The following IMMP2L variants were observed in gnomAD, a reference collection of about 807,000 sequenced individuals.
IMMP2L encodes the protein inner mitochondrial membrane peptidase subunit 2, also known as mitochondrial inner membrane protease subunit 2.
In IMMP2L, 18 loss-of-function variants were observed where a neutral mutation model predicts 19.3. The observed-to-expected ratio is 0.93, with a 90% CI of 0.64 to 1.38. The LOEUF is 1.38. Among genes scored for constraint, IMMP2L ranks in the 40% most tolerant of loss-of-function variants. The pLI, the probability that IMMP2L is intolerant of heterozygous loss-of-function variation, is 0.00. For missense variants in IMMP2L, 233 were observed against 218.2 expected (o/e 1.07, Z -0.43); for synonymous variants, 76 against 73.0 (o/e 1.04, Z -0.21).
At chr7:111,214,521 T>C (rs1209776764) in intron 3 of IMMP2L, among the ~76,000 whole-genome samples, 1 of 144,564 alleles carries the variant, frequency 6.9e-6, no homozygotes, top group Non-Finnish European at 1.5e-5. Flanking sequence ...TTTTTTTTTT[T>C]TTTTTTAATG....
chr7:111,370,378 C>A (rs1830159581), intron 3 of IMMP2L, among the ~76,000 whole-genome samples: 1 of 151,920 alleles, frequency 6.6e-6, no homozygotes, highest in Non-Finnish European at 1.5e-5. Context: ...GCAAATACCT[C>A]TAGAATATCC....
At chr7:111,290,857 C>CACATAT (rs1472194887) in intron 3 of IMMP2L, among the ~76,000 whole-genome samples, 4 of 148,676 alleles carry the variant, frequency 2.7e-5, no homozygotes, top group African/African-American at 7.5e-5. Context: ...CACACACACA[C>CACATAT]ATATATATAT....
chr7:111,092,303 T>C (rs1796955225), intron 3 of IMMP2L, among the ~76,000 whole-genome samples: 2 of 152,226 alleles, frequency 1.3e-5, no homozygotes. Context: ...CACAGCAGGA[T>C]GGCTTTAAAG....
intron 3 of IMMP2L, among the ~76,000 whole-genome samples, chr7:111,175,145 G>A (rs552210118): frequency 2.0e-5 from 3 of 151,866 alleles, no homozygotes; most frequent in East Asian, 3.9e-4. Flanking sequence ...AGAAGATTAG[G>A]ATTAATTACA....
chr7:110,672,957 G>A (rs1244706265), intron 5 of IMMP2L, among the ~76,000 whole-genome samples: 1 of 152,188 alleles, frequency 6.6e-6, no homozygotes, highest in East Asian at 1.9e-4. Context: ...CTGGAGGATG[G>A]TGGCCCTCTT....
chr7:111,444,486 G>C (rs1208035636), intron 3 of IMMP2L, among the ~76,000 whole-genome samples: 1 of 152,002 alleles, frequency 6.6e-6, no homozygotes, highest in African/African-American at 2.4e-5. Flanking sequence ...GTACAAATAG[G>C]ACTAAATAAA....
At chr7:110,879,886 G>A (rs1235356643) in intron 5 of IMMP2L, among the ~76,000 whole-genome samples, 1 of 151,964 alleles carries the variant, frequency 6.6e-6, no homozygotes, top group Non-Finnish European at 1.5e-5. Context: ...TTTCTTTATT[G>A]AATATACTAG....
Position 111,056,905 on chromosome 7 carries a change from G to A in IMMP2L, c.240-93340C>T, listed in dbSNP as rs1310663082. Among the ~76,000 whole-genome samples the A allele has an allele frequency of 2.0e-5, 3 of 152,090 alleles. No homozygotes were observed. The East Asian group carries it at 5.8e-4, about 29-fold the overall frequency. Reference sequence around the variant, plus strand: ...TGTCTCAGGGGTGGCAGAGACAGAGGAAAATCCACATATAAATGCAGTTCA... The same window carrying A: ...TGTCTCAGGGGTGGCAGAGACAGAGAAAAATCCACATATAAATGCAGTTCA... On this transcript the variant is annotated intron_variant, in intron 3 of 5. Coordinates refer to ENST00000405709, the MANE Select transcript of IMMP2L (RefSeq NM_032549.4).
chr7:110,669,108 T>TAG (rs1439111205), intron 5 of IMMP2L, among the ~76,000 whole-genome samples: 37 of 142,086 alleles, frequency 2.6e-4, no homozygotes, highest in East Asian at 1.9e-3. Context: ...TATATATATA[T>TAG]AGAGAGAGAG....
chr7:111,561,528 T>C (rs772787123), intron 1 of IMMP2L, among the ~76,000 whole-genome samples: 6 of 152,060 alleles, frequency 3.9e-5, no homozygotes, highest in Non-Finnish European at 7.4e-5. Context: ...GCTAATAAGA[T>C]AGGGGCCGGA....
At chr7:111,129,705 C>T (rs1562830841) in intron 3 of IMMP2L, among the ~76,000 whole-genome samples, 1 of 152,140 alleles carries the variant, frequency 6.6e-6, no homozygotes, top group Admixed American at 6.5e-5. Context: ...AGTTTTCACA[C>T]AATAGTGACT....
At chr7:111,079,486 T>C (rs1586131915) in intron 3 of IMMP2L, among the ~76,000 whole-genome samples, 1 of 152,346 alleles carries the variant, frequency 6.6e-6, no homozygotes. Context: ...AAGTTCACTA[T>C]ATTTTAATCA....
At chr7:110,938,512 A>G (rs1427715024) in intron 4 of IMMP2L, among the ~76,000 whole-genome samples, 3 of 152,180 alleles carry the variant, frequency 2.0e-5, no homozygotes, top group African/African-American at 7.2e-5. Flanking sequence ...AAATGAAACA[A>G]CAAGAAATCC....
intron 3 of IMMP2L, among the ~76,000 whole-genome samples, chr7:111,345,692 G>A (rs1257684927): frequency 6.6e-6 from 1 of 152,142 alleles, no homozygotes; most frequent in Non-Finnish European, 1.5e-5. Flanking sequence ...ATTCTGGCTA[G>A]TGGCTAACAA....
At chr7:111,186,457 G>C (rs756917115) in intron 3 of IMMP2L, among the ~76,000 whole-genome samples, 3 of 150,692 alleles carry the variant, frequency 2.0e-5, no homozygotes, top group Admixed American at 6.6e-5. Context: ...TTTCACTCTT[G>C]TTGCCCAAGC....
At chr7:111,295,719 T>TAG (rs1821559692) in intron 3 of IMMP2L, among the ~76,000 whole-genome samples, 1 of 151,742 alleles carries the variant, frequency 6.6e-6, no homozygotes, top group Non-Finnish European at 1.5e-5. Context: ...AAGTAAAATT[T>TAG]ATATATATAT....
intron 5 of IMMP2L, among the ~76,000 whole-genome samples, chr7:110,822,013 A>T (rs57827295): frequency 0.089 from 13,464 of 152,126 alleles, 918 homozygotes; most frequent in African/African-American, 0.19. Flanking sequence ...TAGTCAGTCA[A>T]CTGAATGTTT....
chr7:111,060,933 C>T (rs1199831709), intron 3 of IMMP2L, among the ~76,000 whole-genome samples: 2 of 152,130 alleles, frequency 1.3e-5, no homozygotes, highest in African/African-American at 4.8e-5. Flanking sequence ...TATTACGGTT[C>T]TCGGATTTAG....
intron 3 of IMMP2L, among the ~76,000 whole-genome samples, chr7:111,090,031 G>A (rs569258257): frequency 2.0e-5 from 3 of 151,770 alleles, no homozygotes; most frequent in South Asian, 2.1e-4. Context: ...TCAAAACTGG[G>A]GTTGGAGTCA....
Sources: allele counts gnomAD v4.1 joint callset (sites outside exome capture counted in the v4.1 genomes callset), GRCh38; gene constraint gnomAD v4.1.1; transcripts MANE v1.5; gene names NCBI Gene and HGNC (gene_info 2026-07-23, HGNC 2026-07-21).